The following ACOT11 variants were observed in gnomAD, a reference collection of about 807,000 sequenced individuals.
ACOT11 encodes the protein acyl-CoA thioesterase 11.
Under a neutral mutation model 77.5 loss-of-function variants are expected in ACOT11, and 69 were observed. The observed-to-expected ratio is 0.89, with a 90% CI of 0.73 to 1.09. The LOEUF is 1.09. ACOT11 is among the 50% of genes least tolerant of loss of function. The pLI is 0.00. For synonymous variants in ACOT11, 279 were observed against 313.0 expected (o/e 0.89, Z 1.15); for missense variants, 766 against 813.7 (o/e 0.94, Z 0.71).
intron 12 of ACOT11, among the ~76,000 whole-genome samples, chr1:54,604,729 T>C (rs1252144336): frequency 6.6e-6 from 1 of 152,132 alleles, no homozygotes; most frequent in Non-Finnish European, 1.5e-5. Flanking sequence ...ACTGCAGGGA[T>C]CGGGGCAGCC....
At position 54,599,307 on chromosome 1, in the gene ACOT11, G is replaced by A. The variant is rs2304303; in HGVS notation, c.776G>A (p.Arg259His). The change falls in exon 8 of 16, where the codon CGT becomes CAT. Residue 259 changes from arginine to histidine, a missense_variant. Transcript: ENST00000343744. ...CCCTGCCTCCTCAGCCGGCTCTGCC[G>A]TGCCCACCCTACGCTGAAGGCCATT... Reference protein sequence around the residue: ...VATIAASRLCRAHPTLKAIEM... With the variant: ...VATIAASRLCHAHPTLKAIEM... 67,831 of 1,584,998 alleles carry A rather than the reference G, an allele frequency of 0.043. 2,582 individuals carry two copies. The highest frequency in any genetic ancestry group is 0.16 in the Admixed American group (9,502 of 58,272).
intron 10 of ACOT11, 148 bp downstream of exon 10, chr1:54,602,872 C>T (rs991988589): frequency 1.1e-6 from 1 of 883,156 alleles, no homozygotes; most frequent in East Asian, 3.1e-5. Flanking sequence ...TCTTATTACA[C>T]AGCGGTCTTC....
chr1:54,625,350 G>A (rs1458886788), intron 15 of ACOT11, among the ~76,000 whole-genome samples: 1 of 152,192 alleles, frequency 6.6e-6, no homozygotes, highest in Non-Finnish European at 1.5e-5. Flanking sequence ...GGTCTGCTCA[G>A]GAGACAGTAA....
intron 1 of ACOT11, among the ~76,000 whole-genome samples, chr1:54,574,513 C>T (rs144976592): frequency 6.6e-6 from 1 of 152,242 alleles, no homozygotes; most frequent in South Asian, 2.1e-4. Context: ...TGGCAACTTA[C>T]AAAGCTGTTC....
chr1:54,596,596 CAG>C (rs1654907442), intron 6 of ACOT11, among the ~76,000 whole-genome samples: 1 of 152,170 alleles, frequency 6.6e-6, no homozygotes, highest in Admixed American at 6.5e-5. Context: ...TTTTTTGAGA[CAG>C]AGTCTCACTC....
intron 8 of ACOT11, among the ~76,000 whole-genome samples, chr1:54,600,445 G>A (rs1643947980): frequency 6.6e-6 from 1 of 152,194 alleles, no homozygotes; most frequent in African/African-American, 2.4e-5. Context: ...CACTTTGGGA[G>A]GCCGAGGCAG....
chr1:54,594,516 C>A, intron 5 of ACOT11, 40 bp from the exon 6 acceptor site: 1 of 1,589,402 alleles, frequency 6.3e-7, no homozygotes, highest in Non-Finnish European at 8.6e-7. Context: ...TTTCAGGAGA[C>A]TTGCCCTGAG....
chr1:54,636,323 A>G (rs953032717), exon 17 of ACOT11: 1 of 152,260 alleles, frequency 6.6e-6, no homozygotes, highest in African/African-American at 2.4e-5. Context: ...TGGCAGGATA[A>G]TAGGATAATA....
At chr1:54,626,045 G>A (rs1435572464) in intron 15 of ACOT11, among the ~76,000 whole-genome samples, 1 of 151,722 alleles carries the variant, frequency 6.6e-6, no homozygotes, top group Non-Finnish European at 1.5e-5. Flanking sequence ...CGGATCACTT[G>A]AGGTCAGGAG....
chr1:54,571,424 T>G (rs1299827616), intron 1 of ACOT11, among the ~76,000 whole-genome samples: 1 of 152,208 alleles, frequency 6.6e-6, no homozygotes, highest in Non-Finnish European at 1.5e-5. Context: ...AGCTTGAGGC[T>G]GAAGGCAGCA....
chr1:54,558,686 G>A (rs1259650399), intron 1 of ACOT11, among the ~76,000 whole-genome samples: 1 of 152,208 alleles, frequency 6.6e-6, no homozygotes, highest in Non-Finnish European at 1.5e-5. Flanking sequence ...TAGGGGCCCA[G>A]CAGCCCCTGC....
At chr1:54,570,846 A>G (rs1235210945) in intron 1 of ACOT11, among the ~76,000 whole-genome samples, 2 of 149,298 alleles carry the variant, frequency 1.3e-5, no homozygotes, top group Admixed American at 1.3e-4. Context: ...ACACCCAGCT[A>G]ATTTTTTTGT....
chr1:54,638,540 T>C (rs12142894), exon 17 of ACOT11: 6,515 of 152,026 alleles, frequency 0.043, 182 homozygotes, highest in Middle Eastern at 0.11. Flanking sequence ...ATATTTTTAG[T>C]GGAGATGGGG....
At chr1:54,572,433 G>T (rs1557651865) in intron 1 of ACOT11, among the ~76,000 whole-genome samples, 1 of 152,162 alleles carries the variant, frequency 6.6e-6, no homozygotes, top group Non-Finnish European at 1.5e-5. Context: ...TAGGGCAGGG[G>T]TCTGAGGAGG....
At chr1:54,573,055 A>G (rs944168637) in intron 1 of ACOT11, 9 of 985,336 alleles carry the variant, frequency 9.1e-6, no homozygotes, top group African/African-American at 1.7e-5. Context: ...TACTGACACC[A>G]TCACGGCCTC....
chr1:54,561,799 C>T (rs1653504048), intron 1 of ACOT11, among the ~76,000 whole-genome samples: 1 of 123,494 alleles, frequency 8.1e-6, no homozygotes, highest in Non-Finnish European at 1.8e-5. Flanking sequence ...CCCCCACCTC[C>T]CTCCCGGACG....
chr1:54,634,472 T>C (rs575353540), intron 16 of ACOT11, among the ~76,000 whole-genome samples: 1 of 152,338 alleles, frequency 6.6e-6, no homozygotes, highest in Admixed American at 6.5e-5. Flanking sequence ...TCTTCATATG[T>C]GGTTCATTCC....
intron 13 of ACOT11, 123 bp downstream of exon 13, chr1:54,605,332 G>T: frequency 4.2e-6 from 6 of 1,417,334 alleles, no homozygotes; most frequent in African/African-American, 1.4e-5. Flanking sequence ...GTGGGTTGGA[G>T]TTCCATGCTG....
At chr1:54,558,620 G>A (rs1300652839) in intron 1 of ACOT11, among the ~76,000 whole-genome samples, 2 of 152,200 alleles carry the variant, frequency 1.3e-5, no homozygotes, top group Admixed American at 1.3e-4. Context: ...AAGGGGAACA[G>A]AATCCATTGG....
Sources: allele counts gnomAD v4.1 joint callset (sites outside exome capture counted in the v4.1 genomes callset), GRCh38; gene constraint gnomAD v4.1.1; transcripts MANE v1.5; gene names NCBI Gene and HGNC (gene_info 2026-07-23, HGNC 2026-07-21).